The following DENND1A variants were observed in gnomAD, a reference collection of about 807,000 sequenced individuals.
DENND1A encodes the protein DENN domain containing 1A.
A neutral mutation model predicts 113.7 loss-of-function variants in DENND1A; 51 were observed. The ratio of observed to expected loss-of-function variants is 0.45; its 90% CI spans 0.36 to 0.57. The LOEUF is 0.57. Ranked by LOEUF, DENND1A falls within the 20% of genes least tolerant of loss-of-function variation. The pLI, the probability that DENND1A is intolerant of heterozygous loss-of-function variation, is 0.00. For synonymous variants in DENND1A, 565 were observed against 570.8 expected (o/e 0.99, Z 0.14); for missense variants, 1,258 against 1,395.9 (o/e 0.90, Z 1.57).
At chr9:123,457,277 C>T in intron 15 of DENND1A, 71 bp downstream of exon 15, 1 of 1,184,580 alleles carries the variant, frequency 8.4e-7, no homozygotes, top group South Asian at 1.2e-5. Flanking sequence ...CAAGTCACTG[C>T]CACTCCTTGT....
chr9:123,699,476 G>C (rs1229327257), intron 5 of DENND1A, among the ~76,000 whole-genome samples: 1 of 151,452 alleles, frequency 6.6e-6, no homozygotes. Flanking sequence ...AATTATTTTC[G>C]ACCTCTCCCT....
chr9:123,435,971 A>T (rs1163530570), intron 19 of DENND1A, among the ~76,000 whole-genome samples: 1 of 152,212 alleles, frequency 6.6e-6, no homozygotes, highest in African/African-American at 2.4e-5. Context: ...ATCTTATTAA[A>T]TGTAGGGAGC....
intron 2 of DENND1A, among the ~76,000 whole-genome samples, chr9:123,813,268 G>A (rs953506515): frequency 6.6e-6 from 1 of 152,150 alleles, no homozygotes; most frequent in Non-Finnish European, 1.5e-5. Context: ...GGCTTTGTTT[G>A]TGCTTTTTTA....
intron 18 of DENND1A, among the ~76,000 whole-genome samples, chr9:123,450,292 C>A (rs1055426397): frequency 3.3e-5 from 5 of 152,184 alleles, no homozygotes; most frequent in African/African-American, 1.2e-4. Flanking sequence ...TGGACCATGG[C>A]AATCATTCCC....
At chr9:123,520,417 C>A (rs1297129571) in intron 13 of DENND1A, among the ~76,000 whole-genome samples, 1 of 152,158 alleles carries the variant, frequency 6.6e-6, no homozygotes, top group Non-Finnish European at 1.5e-5. Flanking sequence ...CGTGTCATTG[C>A]ACTACAGCCT....
intron 13 of DENND1A, among the ~76,000 whole-genome samples, chr9:123,519,884 G>T (rs2054246671): frequency 6.6e-6 from 1 of 152,062 alleles, no homozygotes; most frequent in Admixed American, 6.5e-5. Flanking sequence ...CCCAGGCTGG[G>T]CGCGGTGGCT....
intron 5 of DENND1A, among the ~76,000 whole-genome samples, chr9:123,699,826 T>C (rs1432699689): frequency 1.3e-5 from 2 of 151,846 alleles, no homozygotes; most frequent in African/African-American, 4.8e-5. Flanking sequence ...GCCTCCCAAG[T>C]AGCTGGGATT....
chr9:123,902,161 TCACACACACACATACACA>T (rs1289184221), intron 1 of DENND1A, among the ~76,000 whole-genome samples: 6 of 128,160 alleles, frequency 4.7e-5, no homozygotes, highest in East Asian at 4.2e-4. Context: ...TACTCATGGG[TCACACACACACATACACA>T]CACACACACA....
intron 5 of DENND1A, chr9:123,751,386 C>T (rs1056066307): frequency 1.4e-4 from 21 of 152,136 alleles, no homozygotes; most frequent in Admixed American, 1.1e-3. Flanking sequence ...AATCACTATC[C>T]TTGTTTTTAA....
chr9:123,769,650 C>G (rs1829406801), intron 3 of DENND1A, 87 bp from the exon 4 acceptor site: 1 of 1,173,274 alleles, frequency 8.5e-7, no homozygotes, highest in African/African-American at 1.6e-5. Context: ...GCAACTTTAC[C>G]CTAAAGAAAG....
intron 17 of DENND1A, 37 bp from the exon 18 acceptor site, chr9:123,450,786 C>G (rs367810357): frequency 9.6e-6 from 15 of 1,558,480 alleles, no homozygotes; most frequent in African/African-American, 4.1e-5. Flanking sequence ...GATTCCCTTT[C>G]TGTTTCCAGC....
chr9:123,388,888 C>T (rs969748260), intron 21 of DENND1A, among the ~76,000 whole-genome samples: 3 of 152,170 alleles, frequency 2.0e-5, no homozygotes, highest in Admixed American at 2.0e-4. Context: ...GTGAGCAGAC[C>T]CGGGGTGTTC....
At chr9:123,470,592 C>T (rs1320143653) in intron 13 of DENND1A, among the ~76,000 whole-genome samples, 1 of 152,140 alleles carries the variant, frequency 6.6e-6, no homozygotes, top group Non-Finnish European at 1.5e-5. Context: ...GCCGCAGAAC[C>T]CATGTAGCTG....
Position 123,454,430 on chromosome 9 carries a change from C to A in DENND1A, c.1227+309G>T, listed in dbSNP as rs186748012. ...GGTTTGCCCATGATCATGACAATTG[C>A]TCTGGCCCTAGAAGGAGAACCCCCC... On this transcript the variant is annotated intron_variant, in intron 16 of 23. Coordinates refer to ENST00000394215, the MANE Select transcript of DENND1A (RefSeq NM_001352964.2). 2.6e-5 allele frequency among the ~76,000 whole-genome samples: 4 copies of A among 152,316 alleles called. No homozygotes were observed. In the East Asian group the frequency reaches 5.8e-4, roughly 22 times the overall value.
chr9:123,843,977 C>A (rs905709957), intron 2 of DENND1A, among the ~76,000 whole-genome samples: 14 of 152,054 alleles, frequency 9.2e-5, no homozygotes, highest in Admixed American at 3.3e-4. Flanking sequence ...ATCACACAAT[C>A]ATCTCAAAAG....
At chr9:123,632,366 G>A (rs2061513657) in intron 9 of DENND1A, among the ~76,000 whole-genome samples, 1 of 151,958 alleles carries the variant, frequency 6.6e-6, no homozygotes, top group Non-Finnish European at 1.5e-5. Flanking sequence ...TATAAAGGAG[G>A]GTGATATAGA....
rs1179696884 is a variant in DENND1A at position 123,457,452 on chromosome 9, C to A, written c.1099-17G>T. The A allele has an allele frequency of 4.4e-6, 7 of 1,593,498 alleles. No individual in the cohort carries two copies. Among genetic ancestry groups the A allele is most frequent in the Non-Finnish European group, 5.2e-6 (6 of 1,161,552 alleles). On this transcript the variant is annotated splice_polypyrimidine_tract_variant and intron_variant, in intron 14 of 23. Transcript: ENST00000394215. Reference sequence around the variant, plus strand: ...ATCAATAAACTATAGAAAGAAGGAACAAAAGCACAACAGCTCGTACAAAGA... The same window carrying A: ...ATCAATAAACTATAGAAAGAAGGAAAAAAAGCACAACAGCTCGTACAAAGA...
intron 2 of DENND1A, among the ~76,000 whole-genome samples, chr9:123,828,494 C>T (rs1433034516): frequency 6.6e-6 from 1 of 151,100 alleles, no homozygotes; most frequent in Non-Finnish European, 1.5e-5. Flanking sequence ...TAAGAAATAC[C>T]CAAAATTCAT....
intron 11 of DENND1A, among the ~76,000 whole-genome samples, chr9:123,589,782 G>A (rs1017987363): frequency 6.6e-6 from 1 of 151,408 alleles, no homozygotes; most frequent in Non-Finnish European, 1.5e-5. Context: ...TCCTCTTTCT[G>A]CTTTGTCACA....
Sources: gnomAD v4.1 joint callset for allele counts (sites outside exome capture counted in the v4.1 genomes callset) on GRCh38, gnomAD v4.1.1 for gene constraint, MANE v1.5 for transcripts, NCBI Gene and HGNC (gene_info 2026-07-23, HGNC 2026-07-21) for gene names.